NEMP2: variants seen among roughly 807,000 people sequenced by gnomAD.
NEMP2 encodes nuclear envelope integral membrane protein 2, also known as UPF0571 transmembrane protein.
NEMP2 carries 53 observed loss-of-function variants against 54.2 expected under a neutral mutation model. That is an observed-to-expected ratio of 0.98 (90% CI 0.78 to 1.23). NEMP2 has a LOEUF of 1.23. NEMP2 is among the 50% of genes most tolerant of loss of function. NEMP2 has a pLI of 0.00. For missense variants in NEMP2, 455 were observed against 511.3 expected (o/e 0.89, Z 1.06); for synonymous variants, 197 against 190.3 (o/e 1.04, Z -0.29).
the NEMP2 span, among the ~76,000 whole-genome samples, chr2:190,462,409 C>T: frequency 6.6e-6 from 1 of 152,154 alleles, no homozygotes; most frequent in East Asian, 1.9e-4. This position sits in a 1 kb window ranked among gnomAD's most constrained non-coding sequence, Gnocchi z 5.7. Context: ...ATGACAGTAG[C>T]TTGTTGAGAA....
chr2:190,475,159 C>G, the NEMP2 span, among the ~76,000 whole-genome samples: 1 of 152,160 alleles, frequency 6.6e-6, no homozygotes, highest in African/African-American at 2.4e-5. Flanking sequence ...TGACACAAGA[C>G]AGGGATGCCC....
chr2:190,544,532 T>C, the NEMP2 span, among the ~76,000 whole-genome samples: 5 of 152,328 alleles, frequency 3.3e-5, no homozygotes, highest in South Asian at 6.2e-4. Flanking sequence ...AAGATTCTTA[T>C]TCAGTAGGTC....
the NEMP2 span, chr2:190,610,292 A>C: frequency 1.3e-5 from 2 of 152,196 alleles, no homozygotes; most frequent in African/African-American, 4.8e-5. This position sits in a 1 kb window ranked among gnomAD's most constrained non-coding sequence, Gnocchi z 5.4. Flanking sequence ...GCTTTGATGG[A>C]ACTTTGTTCC....
chr2:190,621,110 T>A, the NEMP2 span, among the ~76,000 whole-genome samples: 1 of 152,176 alleles, frequency 6.6e-6, no homozygotes, highest in Non-Finnish European at 1.5e-5. Flanking sequence ...TTAAAGAAGA[T>A]CTACATATAG....
the NEMP2 span, among the ~76,000 whole-genome samples, chr2:190,564,275 T>C: frequency 6.6e-6 from 1 of 152,364 alleles, no homozygotes; most frequent in Admixed American, 6.5e-5. The surrounding 1 kb of genome is among the most constrained non-coding windows in gnomAD (Gnocchi z 4.2). Flanking sequence ...ATAACTAATG[T>C]GAACTCCAGG....
chr2:190,612,546 AC>A, the NEMP2 span, among the ~76,000 whole-genome samples: 3 of 152,156 alleles, frequency 2.0e-5, no homozygotes, highest in African/African-American at 2.4e-5. Context: ...TTTCTTTAAT[AC>A]CTTTTTGCAT....
At chr2:190,511,619 A>G (rs990620730) in intron 7 of NEMP2, among the ~76,000 whole-genome samples, 2 of 148,570 alleles carry the variant, frequency 1.3e-5, no homozygotes, top group Non-Finnish European at 3.0e-5. Context: ...CCGTGGCACA[A>G]TCTCAGCTCA....
At chr2:190,472,915 G>A in the NEMP2 span, among the ~76,000 whole-genome samples, 11 of 152,216 alleles carry the variant, frequency 7.2e-5, no homozygotes, top group African/African-American at 2.7e-4. Flanking sequence ...AGCCAGAAGA[G>A]AGTGGGGGCC....
chr2:190,622,245 A>G, the NEMP2 span, among the ~76,000 whole-genome samples: 1 of 152,046 alleles, frequency 6.6e-6, no homozygotes, highest in African/African-American at 2.4e-5. Context: ...CCAAGAAAAT[A>G]AAAATTTAAA....
chr2:190,523,733 G>C lies in NEMP2; in HGVS notation c.213+1530C>G, dbSNP rs1690833670. On this transcript the variant is annotated intron_variant, in intron 2 of 8. Transcript: ENST00000409150. The surrounding 1 kb of genome is among the most constrained non-coding windows in gnomAD (Gnocchi z 5.3). ...ACATGGCAGAAGGACACAGGAGCTAGTTTGAAGGGGCCCTGACTGGCTAAA... is the reference window on the plus strand; with the variant it reads ...ACATGGCAGAAGGACACAGGAGCTACTTTGAAGGGGCCCTGACTGGCTAAA... Among the ~76,000 whole-genome samples the C allele has an allele frequency of 6.6e-6, 1 of 152,220 alleles. No individual in the cohort carries two copies. The highest frequency in any genetic ancestry group is 1.5e-5 in the Non-Finnish European group (1 of 68,030).
the NEMP2 span, among the ~76,000 whole-genome samples, chr2:190,562,689 T>A: frequency 6.6e-6 from 1 of 151,928 alleles, no homozygotes; most frequent in Non-Finnish European, 1.5e-5. The surrounding 1 kb of genome is among the most constrained non-coding windows in gnomAD (Gnocchi z 5.0). Context: ...TTTATATAAA[T>A]CTATGCTACA....
rs918109311 is a variant in NEMP2 at position 190,508,785 on chromosome 2, T to C, written c.*404A>G. On this transcript the variant is annotated 3_prime_UTR_variant, in exon 9 of 9. Coordinates refer to ENST00000409150, the MANE Select transcript of NEMP2 (RefSeq NM_001142645.2). The surrounding 1 kb of genome is among the most constrained non-coding windows in gnomAD (Gnocchi z 4.3). ...TGTCTCAGGTCTCTTTAAGGACTTA[T>C]ACTGACGAACTATAGGAAGAGTATT... 10 of 190,906 alleles carry C rather than the reference T, an allele frequency of 5.2e-5. No homozygotes were observed. The highest frequency in any genetic ancestry group is 2.1e-4 in the African/African-American group (9 of 42,518). The allele number at this position is 190,906 out of a possible 1,614,324, so 11.8% of individuals were successfully genotyped here. A position where few individuals can be genotyped will look rare whatever the true frequency, so the allele number is the denominator to read the frequency against.
chr2:190,437,585 G>A, the NEMP2 span: 1 of 1,594,818 alleles, frequency 6.3e-7, no homozygotes, highest in Non-Finnish European at 8.6e-7. This position sits in a 1 kb window ranked among gnomAD's most constrained non-coding sequence, Gnocchi z 5.9. Context: ...TACGATTGCT[G>A]CCCCTCAGCA....
chr2:190,630,853 TCA>T, the NEMP2 span, among the ~76,000 whole-genome samples: 1 of 152,156 alleles, frequency 6.6e-6, no homozygotes, highest in Non-Finnish European at 1.5e-5. The surrounding 1 kb of genome is among the most constrained non-coding windows in gnomAD (Gnocchi z 5.5). Context: ...AGTTTAAATC[TCA>T]GTGTTGTTCG....
chr2:190,510,894 AAAG>A lies in NEMP2; in HGVS notation c.954-360_954-358del, dbSNP rs1164465586. On this transcript the variant is annotated intron_variant, in intron 7 of 8. Coordinates refer to ENST00000409150, the MANE Select transcript of NEMP2 (RefSeq NM_001142645.2). This position sits in a 1 kb window ranked among gnomAD's most constrained non-coding sequence, Gnocchi z 5.7. ...AGACTCCGTCTCAAAAAAAAAAAAAAAAGATTTACAAAAATACATTTCTTAGAT... is the reference window on the plus strand; with the variant it reads ...AGACTCCGTCTCAAAAAAAAAAAAAAATTTACAAAAATACATTTCTTAGAT... 2.0e-5 allele frequency among the ~76,000 whole-genome samples: 3 copies of A among 152,092 alleles called. No homozygotes were observed. The highest frequency in any genetic ancestry group is 4.4e-5 in the Non-Finnish European group (3 of 68,016).
chr2:190,435,947 C>G, the NEMP2 span: 1 of 1,489,252 alleles, frequency 6.7e-7, no homozygotes, highest in Non-Finnish European at 9.0e-7. Context: ...ATTTTCATTA[C>G]TAAGCCATCT....
At chr2:190,501,321 A>G (rs1238887894), downstream of NEMP2, 13 of 152,166 alleles carry the variant, frequency 8.5e-5, no homozygotes, top group Admixed American at 8.5e-4. Context: ...ATGACTAAAG[A>G]AAGAAAATCT....
chr2:190,637,335 C>CTA, the NEMP2 span, among the ~76,000 whole-genome samples: 6 of 152,184 alleles, frequency 3.9e-5, no homozygotes, highest in Non-Finnish European at 8.8e-5. This position sits in a 1 kb window ranked among gnomAD's most constrained non-coding sequence, Gnocchi z 4.5. Flanking sequence ...GTTGTATCTA[C>CTA]TATTCTCATG....
the NEMP2 span, chr2:190,628,284 T>G: frequency 6.6e-6 from 1 of 152,224 alleles, no homozygotes; most frequent in South Asian, 2.1e-4. The surrounding 1 kb of genome is among the most constrained non-coding windows in gnomAD (Gnocchi z 4.1). Context: ...GTGGGGCACT[T>G]TTAGTGACCT....
Sources: allele counts gnomAD v4.1 joint callset (sites outside exome capture counted in the v4.1 genomes callset), GRCh38; gene constraint gnomAD v4.1.1; non-coding constraint Gnocchi (gnomAD v3.1); transcripts MANE v1.5; gene names NCBI Gene and HGNC (gene_info 2026-07-23, HGNC 2026-07-21).